The following GGCX variants were observed in gnomAD, a reference collection of about 807,000 sequenced individuals.
The protein encoded by GGCX is vitamin K-dependent gamma-carboxylase.
In GGCX, 63 loss-of-function variants were observed where a neutral mutation model predicts 88.5. The ratio of observed to expected loss-of-function variants is 0.71; its 90% CI spans 0.58 to 0.88. GGCX has a LOEUF of 0.88. Ranked by LOEUF, GGCX falls within the 40% of genes least tolerant of loss-of-function variation. The probability of loss-of-function intolerance (pLI) is 0.00; values close to 1 mark genes in which losing one functional copy is unlikely to be tolerated. For missense variants in GGCX, 805 were observed against 932.9 expected (o/e 0.86, Z 1.79); for synonymous variants, 368 against 365.8 (o/e 1.01, Z -0.07).
In GGCX at chr2:85,545,871, A is replaced by G. The variant is rs1415272245; in HGVS notation, c.*4063T>C. On this transcript the variant is annotated 3_prime_UTR_variant, in exon 15 of 15. Coordinates refer to ENST00000233838, the MANE Select transcript of GGCX (RefSeq NM_000821.7). ...AGTTCTGAAACGTGATTTCTAGTCA[A>G]TATCTTGCAGAGATAAATAATGCAA... The G allele has an allele frequency of 2.6e-5, 4 of 152,256 alleles. No individual in the cohort carries two copies. The highest frequency in any genetic ancestry group is 4.4e-5 in the Non-Finnish European group (3 of 68,048). The allele number at this position is 152,256 out of a possible 1,614,324, so 9.4% of individuals were successfully genotyped here. A position where few individuals can be genotyped will look rare whatever the true frequency, so the allele number is the denominator to read the frequency against.
rs765524930 is a variant in GGCX at position 85,552,498 on chromosome 2, G to A, written c.1357C>T (p.Arg453Cys). The change falls in exon 10 of 15, where the codon CGC becomes TGC. Residue 453 changes from arginine to cysteine, a missense_variant. Around this residue, in one of 3 missense-constraint regions of GGCX, gnomAD observed 680 missense variants for 763.7 expected, o/e 0.89. Coordinates refer to ENST00000233838, the MANE Select transcript of GGCX (RefSeq NM_000821.7). ...GTGACATTATACTTGGGAAGCAGGCGGCTCAGGCAAGTGGCATATTGCTTC... is the reference window on the plus strand; with the variant it reads ...GTGACATTATACTTGGGAAGCAGGCAGCTCAGGCAAGTGGCATATTGCTTC... ...MLKQYATCLS[R>C]LLPKYNVTEP... 9 of 1,613,534 alleles carry A rather than the reference G, an allele frequency of 5.6e-6. No individual in the cohort carries two copies. Among genetic ancestry groups the A allele is most frequent in the South Asian group, 5.5e-5 (5 of 91,056 alleles).
Position 85,552,987 on chromosome 2 carries a change from G to C in GGCX, c.1239C>G (p.Ile413Met), listed in dbSNP as rs1452206291. The C allele has an allele frequency of 6.2e-7, 1 of 1,614,090 alleles. No homozygotes were observed. The highest frequency in any genetic ancestry group is 8.5e-7 in the Non-Finnish European group (1 of 1,179,918). ...VHSRSHQHVK[I>M]TYRDGRTGEL... The stretch of plus-strand genomic sequence containing the variant: ...CGCCAGTGCGGCCATCACGGTAGGT[G>C]ATCTTCACGTGCTGGTGGGAGCGGG... Residue 413 changes from isoleucine (I) to methionine (M), a missense_variant, in exon 9 of 15, where the codon ATC becomes ATG. Physicochemically the swap from Ile to Met is conservative, Grantham distance 10 (BLOSUM62 1). Transcript: ENST00000233838.
rs1691671326 is a variant in GGCX at position 85,546,445 on chromosome 2, G to T, written c.*3489C>A. ...AAAAAAGCCGTGGAAATCTGGGTAT[G>T]GTAGCTTACACCTGTAATCCCAGCA... On this transcript the variant is annotated 3_prime_UTR_variant, in exon 15 of 15. Coordinates refer to ENST00000233838, the MANE Select transcript of GGCX (RefSeq NM_000821.7). 6.6e-6 allele frequency: 1 copy of T among 152,010 alleles called. No individual in the cohort carries two copies. The highest frequency in any genetic ancestry group is 1.9e-4 in the East Asian group (1 of 5,184). The allele number at this position is 152,010 out of a possible 1,614,324, so 9.4% of individuals were successfully genotyped here. A position where few individuals can be genotyped will look rare whatever the true frequency, so the allele number is the denominator to read the frequency against.
At position 85,556,285 on chromosome 2, in the gene GGCX, A is replaced by AG. The variant is rs748027919; in HGVS notation, c.540-26dup. On this transcript the variant is annotated intron_variant, in intron 4 of 14. Coordinates refer to ENST00000233838, the MANE Select transcript of GGCX (RefSeq NM_000821.7). Reference sequence around the variant, plus strand: ...CCTACACCGAGGGAGGTAAACATTGAGGGGGGAGCTGCTTAATGCAGCTAC... The same window carrying AG: ...CCTACACCGAGGGAGGTAAACATTGAGGGGGGGAGCTGCTTAATGCAGCTAC... The AG allele has an allele frequency of 8.3e-6, 12 of 1,450,578 alleles. 1 individual carries two copies. The South Asian group carries it at 9.1e-5, about 11-fold the overall frequency. 89.9% of individuals were successfully genotyped at this position (1,450,578 alleles called of 1,614,324 possible).
intron 4 of GGCX, 80 bp downstream of exon 4, chr2:85,558,360 C>T (rs1397313346): frequency 8.1e-7 from 1 of 1,227,016 alleles, no homozygotes; most frequent in African/African-American, 1.5e-5. Flanking sequence ...CTGAAAAATT[C>T]CAGAACCTCA....
Position 85,560,805 on chromosome 2 carries a change from C to A in GGCX, c.214+10G>T. On this transcript the variant is annotated intron_variant, in intron 2 of 14. Coordinates refer to ENST00000233838, the MANE Select transcript of GGCX (RefSeq NM_000821.7). ...CAACCAAATTGCTCCCACCCATAAA[C>A]TGGACTCACCAAAAAGAAAACGAAA... 2 of 1,611,696 alleles carry A rather than the reference C, an allele frequency of 1.2e-6. No individual in the cohort carries two copies.
Position 85,553,487 on chromosome 2 carries a change from G to A in GGCX, c.900C>T (p.Ser300=), listed in dbSNP as rs1692067518. 6.2e-7 allele frequency: 1 copy of A among 1,613,636 alleles called. No homozygotes were observed. Among genetic ancestry groups the A allele is most frequent in the African/African-American group, 1.3e-5 (1 of 75,060 alleles). ...GAGGGCTGCTGGCCAGCATGACGTA[G>A]GAGAACATACCTAGGAAAGCAGGGA... is the stretch of plus-strand genomic sequence containing the variant. ...NSQLFSIGMF[S]YVMLASSPLF... Residue 300 remains serine (S), a synonymous_variant, in exon 8 of 15, where the codon TCC becomes TCT. Coordinates refer to ENST00000233838, the MANE Select transcript of GGCX (RefSeq NM_000821.7).
chr2:85,545,428 C>T lies in GGCX; in HGVS notation c.*4506G>A, dbSNP rs771861163. On this transcript the variant is annotated 3_prime_UTR_variant, in exon 15 of 15. Coordinates refer to ENST00000233838, the MANE Select transcript of GGCX (RefSeq NM_000821.7). ...CCATTATCAAGCCACTGCACTCCAG[C>T]CTGGGTGACTGAGACTTTGGCTCTT... 2 of 152,270 alleles carry T rather than the reference C, an allele frequency of 1.3e-5. No individual in the cohort carries two copies. The highest frequency in any genetic ancestry group is 6.5e-5 in the Admixed American group (1 of 15,270). The allele number at this position is 152,270 out of a possible 1,614,324, so 9.4% of individuals were successfully genotyped here.
At position 85,545,779 on chromosome 2, in the gene GGCX, A is replaced by G. The variant is rs1480371469; in HGVS notation, c.*4155T>C. On this transcript the variant is annotated 3_prime_UTR_variant, in exon 15 of 15. Coordinates refer to ENST00000233838, the MANE Select transcript of GGCX (RefSeq NM_000821.7). ...TCTAAAGTCCTGGCAATTTAAGCCT[A>G]TTAATCTGCATACATTTTTAAATTA... The G allele has an allele frequency of 6.6e-6, 1 of 151,020 alleles. No homozygotes were observed. The highest frequency in any genetic ancestry group is 1.5e-5 in the Non-Finnish European group (1 of 68,042). 9.4% of individuals were successfully genotyped at this position (151,020 alleles called of 1,614,324 possible).
Position 85,550,063 on chromosome 2 carries a change from C to A in GGCX, c.2148G>T (p.Leu716=). ...LILGRPSLEQ[L]AQEVTYANLR... ...AGTTTGCATAAGTCACCTCCTGGGC[C>A]AGCTGCTCCAGGGAAGGACGGCCTA... is the stretch of plus-strand genomic sequence containing the variant. Residue 716 remains leucine (L), a synonymous_variant, in exon 15 of 15, where the codon CTG becomes CTT. Transcript: ENST00000233838. The A allele has an allele frequency of 6.2e-7, 1 of 1,613,302 alleles. No homozygotes were observed. Among genetic ancestry groups the A allele is most frequent in the African/African-American group, 1.3e-5 (1 of 74,992 alleles).
Position 85,549,069 on chromosome 2 carries a change from C to G in GGCX, c.*865G>C, listed in dbSNP as rs958293793. On this transcript the variant is annotated 3_prime_UTR_variant, in exon 15 of 15. Transcript: ENST00000233838. The stretch of plus-strand genomic sequence containing the variant: ...TACTTTGTGTGCATTTACAACCTGA[C>G]CACCATCCAATTATACTTTTAATTA... 1 of 152,160 alleles carries G rather than the reference C, an allele frequency of 6.6e-6. No individual in the cohort carries two copies. The highest frequency in any genetic ancestry group is 1.5e-5 in the Non-Finnish European group (1 of 68,022). 9.4% of individuals were successfully genotyped at this position (152,160 alleles called of 1,614,324 possible). A position where few individuals can be genotyped will look rare whatever the true frequency, so the allele number is the denominator to read the frequency against.
chr2:85,549,641 G>A lies in GGCX; in HGVS notation c.*293C>T, dbSNP rs1457220501. The A allele has an allele frequency of 3.6e-5, 14 of 388,450 alleles. No individual in the cohort carries two copies. The highest frequency in any genetic ancestry group is 1.8e-4 in the East Asian group (3 of 16,322). The allele number at this position is 388,450 out of a possible 1,614,324, so 24.1% of individuals were successfully genotyped here. ...CTCCCAAAATGCTGGGATTACAGGC[G>A]TGAGCCACGGCACCCAGCCCCCAAA... On this transcript the variant is annotated 3_prime_UTR_variant, in exon 15 of 15. Coordinates refer to ENST00000233838, the MANE Select transcript of GGCX (RefSeq NM_000821.7).
rs1371328443 is a variant in GGCX at position 85,552,964 on chromosome 2, C to T, written c.1262G>A (p.Gly421Asp). ...VKITYRDGRT[G>D]ELGYLNPGVF... The stretch of plus-strand genomic sequence containing the variant: ...CCCAGGGTTAAGGTAGCCCAGTTCG[C>T]CAGTGCGGCCATCACGGTAGGTGAT... The change falls in exon 9 of 15, where the codon GGC becomes GAC. Residue 421 changes from glycine (G) to aspartate (D), a missense_variant. Transcript: ENST00000233838. The T allele has an allele frequency of 1.2e-6, 2 of 1,614,216 alleles. No individual in the cohort carries two copies. Among genetic ancestry groups the T allele is most frequent in the Non-Finnish European group, 1.7e-6 (2 of 1,180,008 alleles).
At position 85,552,675 on chromosome 2, in the gene GGCX, A is replaced by G. The variant is rs576445123; in HGVS notation, c.1288-108T>C. 1.5e-5 allele frequency: 18 copies of G among 1,206,624 alleles called. No individual in the cohort carries two copies. In the African/African-American group the frequency reaches 1.9e-4, roughly 13 times the overall value. 74.7% of individuals were successfully genotyped at this position (1,206,624 alleles called of 1,614,324 possible). A position where few individuals can be genotyped will look rare whatever the true frequency, so the allele number is the denominator to read the frequency against. The stretch of plus-strand genomic sequence containing the variant: ...TCCCTGCCTGCTGCCCATTCTGGCT[A>G]GAAAAAAATGGAACTTGCCTTTGGG... On this transcript the variant is annotated intron_variant, in intron 9 of 14. Transcript: ENST00000233838.
Position 85,551,740 on chromosome 2 carries a change from C to T in GGCX, c.1609+72G>A, listed in dbSNP as rs868590120. On this transcript the variant is annotated intron_variant, in intron 11 of 14. Transcript: ENST00000233838. ...CAAAAACATTCCCTCTCCCCTCCCA[C>T]CACATGGAATGTCCCTGGCCAAGGA... is the stretch of plus-strand genomic sequence containing the variant. 6.4e-6 allele frequency: 10 copies of T among 1,561,064 alleles called. No homozygotes were observed. The Middle Eastern group carries it at 1.5e-3, about 237-fold the overall frequency.
Position 85,545,244 on chromosome 2 carries a change from A to G in GGCX, c.*4690T>C, listed in dbSNP as rs1691598650. On this transcript the variant is annotated 3_prime_UTR_variant, in exon 15 of 15. Transcript: ENST00000233838. ...GTCTGGTTCTCAATTCCAACAGTTT[A>G]ATGAAGATCTAAATAAAATGCTAGG... is the stretch of plus-strand genomic sequence containing the variant. 6.6e-6 allele frequency: 1 copy of G among 152,618 alleles called. No individual in the cohort carries two copies. Among genetic ancestry groups the G allele is most frequent in the Non-Finnish European group, 1.5e-5 (1 of 68,030 alleles). The allele number at this position is 152,618 out of a possible 1,614,324, so 9.5% of individuals were successfully genotyped here. A position where few individuals can be genotyped will look rare whatever the true frequency, so the allele number is the denominator to read the frequency against.
chr2:85,553,121 C>G, intron 8 of GGCX, 51 bp from the exon 9 acceptor site: 3 of 1,613,516 alleles, frequency 1.9e-6, no homozygotes, highest in Non-Finnish European at 2.5e-6. Context: ...CACACTGACC[C>G]CATCCCCTAC....
chr2:85,549,493 T>C lies in GGCX; in HGVS notation c.*441A>G, dbSNP rs80309281. The C allele has an allele frequency of 4.9e-6, 1 of 203,622 alleles. No homozygotes were observed. Among genetic ancestry groups the C allele is most frequent in the Non-Finnish European group, 1.0e-5 (1 of 98,830 alleles). 12.6% of individuals were successfully genotyped at this position (203,622 alleles called of 1,614,324 possible). ...TCTCATGCCTCAGCCTCCTGGGTAG[T>C]TGGATTACAGGCACCCACCACCACG... On this transcript the variant is annotated 3_prime_UTR_variant, in exon 15 of 15. Transcript: ENST00000233838.
At position 85,561,353 on chromosome 2, in the gene GGCX, A is replaced by T. The variant is rs78809601; in HGVS notation, c.43+33T>A. ...CCCTCTGAGACCAGCGCTCCTAGGA[A>T]CTCTCCGCCGGAGGGCGGGGTCCTA... is the stretch of plus-strand genomic sequence containing the variant. On this transcript the variant is annotated intron_variant, in intron 1 of 14. Coordinates refer to ENST00000233838, the MANE Select transcript of GGCX (RefSeq NM_000821.7). 0.028 allele frequency: 39,445 copies of T among 1,428,774 alleles called. 569 individuals carry two copies. Among genetic ancestry groups the T allele is most frequent in the Non-Finnish European group, 0.032 (33,453 of 1,052,780 alleles). 88.5% of individuals were successfully genotyped at this position (1,428,774 alleles called of 1,614,324 possible). A position where few individuals can be genotyped will look rare whatever the true frequency, so the allele number is the denominator to read the frequency against.
Sources: gnomAD v4.1 joint callset for allele counts on GRCh38, gnomAD v4.1.1 for gene constraint, gnomAD v4.1.1 regional missense constraint, MANE v1.5 for transcripts, NCBI Gene and HGNC (gene_info 2026-07-23, HGNC 2026-07-21) for gene names.